Variants in SLC22A3 observed in about 807,000 individuals in gnomAD.
SLC22A3 encodes EMT organic cation transporter 3.
In SLC22A3, 51 loss-of-function variants were observed where a neutral mutation model predicts 59.1. The ratio of observed to expected loss-of-function variants is 0.86; its 90% CI spans 0.69 to 1.09. The LOEUF (loss-of-function observed/expected upper bound fraction) is 1.09, where lower values mean the gene tolerates loss of function less well. Among genes scored for constraint, SLC22A3 ranks in the 50% least tolerant of loss-of-function variants. The pLI is 0.00. For synonymous variants in SLC22A3, 325 were observed against 292.0 expected (o/e 1.11, Z -1.15); for missense variants, 711 against 726.3 (o/e 0.98, Z 0.24).
chr6:160,408,724 T>G, intron 3 of SLC22A3, 29 bp from the exon 4 acceptor site: 1 of 1,611,836 alleles, frequency 6.2e-7, no homozygotes, highest in African/African-American at 1.3e-5. Context: ...CTTGTGCTTC[T>G]GTGACCTCTT....
intron 1 of SLC22A3, among the ~76,000 whole-genome samples, chr6:160,366,086 A>G (rs1359568903): frequency 3.3e-5 from 5 of 152,152 alleles, no homozygotes; most frequent in Non-Finnish European, 7.4e-5. Context: ...CAGCCAAACC[A>G]TATCATTCCA....
chr6:160,432,304 C>T lies in SLC22A3; in HGVS notation c.976-4476C>T, dbSNP rs145955098. 4.0e-4 allele frequency among the ~76,000 whole-genome samples: 61 copies of T among 151,944 alleles called. 1 individual carries two copies. The highest frequency in any genetic ancestry group is 3.4e-3 in the Middle Eastern group (1 of 294). On this transcript the variant is annotated intron_variant, in intron 5 of 10. Coordinates refer to ENST00000275300, the MANE Select transcript of SLC22A3 (RefSeq NM_021977.4). ...CCCACAAACATATGAATTGATGGTG[C>T]GGGAGAGTGTAGTGGGAATTCTGTT...
intron 1 of SLC22A3, among the ~76,000 whole-genome samples, chr6:160,366,629 A>C (rs1222086600): frequency 2.0e-5 from 3 of 152,164 alleles, no homozygotes; most frequent in African/African-American, 7.2e-5. Flanking sequence ...TCCCTTCCAC[A>C]CTGCCCTAGC....
chr6:160,417,598 C>T (rs1323138896), intron 5 of SLC22A3, among the ~76,000 whole-genome samples: 1 of 152,116 alleles, frequency 6.6e-6, no homozygotes, highest in Admixed American at 6.5e-5. Context: ...TCACATTTTC[C>T]CTCATTTCCA....
chr6:160,398,123 C>A, intron 2 of SLC22A3, 41 bp downstream of exon 2: 1 of 1,365,078 alleles, frequency 7.3e-7, no homozygotes, highest in Non-Finnish European at 1.0e-6. Flanking sequence ...CACTATAATA[C>A]CATGCATTAA....
At chr6:160,374,215 G>A (rs1785507356) in intron 1 of SLC22A3, among the ~76,000 whole-genome samples, 1 of 152,286 alleles carries the variant, frequency 6.6e-6, no homozygotes, top group African/African-American at 2.4e-5. Flanking sequence ...AGAATGCATG[G>A]TTCCTCACAG....
intron 4 of SLC22A3, 71 bp downstream of exon 4, chr6:160,408,992 A>G (rs2114856205): frequency 2.2e-6 from 3 of 1,348,184 alleles, no homozygotes; most frequent in East Asian, 2.3e-5. Context: ...AGACATGAAA[A>G]TGAAAGCAAT....
chr6:160,442,850 T>C lies in SLC22A3; in HGVS notation c.1378T>C (p.Leu460=), dbSNP rs370786751. The change falls in exon 8 of 11, where the codon TTG becomes CTG. Residue 460 remains leucine, a synonymous_variant. Coordinates refer to ENST00000275300, the MANE Select transcript of SLC22A3 (RefSeq NM_021977.4). The part of the protein sequence containing the change: ...FEIVYLVNSE[L]YPTTLRNFGV... ...AATTGTTTATTTGGTAAATTCAGAA[T>C]TGTACCCAACAACATTACGGTAATT... 6.2e-6 allele frequency: 10 copies of C among 1,612,890 alleles called. No individual in the cohort carries two copies. The highest frequency in any genetic ancestry group is 8.5e-6 in the Non-Finnish European group (10 of 1,178,876).
At chr6:160,352,276 G>A (rs747466728) in intron 1 of SLC22A3, among the ~76,000 whole-genome samples, 9 of 152,220 alleles carry the variant, frequency 5.9e-5, no homozygotes, top group Middle Eastern at 3.2e-3. Context: ...CCTAATTTGT[G>A]TCTCCTGCTC....
At chr6:160,374,450 C>G (rs1200058680) in intron 1 of SLC22A3, among the ~76,000 whole-genome samples, 1 of 151,970 alleles carries the variant, frequency 6.6e-6, no homozygotes, top group African/African-American at 2.4e-5. Flanking sequence ...TGTTCCTATT[C>G]AGCCATCTTG....
intron 1 of SLC22A3, among the ~76,000 whole-genome samples, chr6:160,358,182 A>G (rs1784903888): frequency 6.6e-6 from 1 of 152,238 alleles, no homozygotes; most frequent in Non-Finnish European, 1.5e-5. Context: ...GGTGGCTAAG[A>G]ACGTAGACTT....
chr6:160,382,411 C>G (rs1319604018), intron 1 of SLC22A3, among the ~76,000 whole-genome samples: 1 of 152,186 alleles, frequency 6.6e-6, no homozygotes, highest in Non-Finnish European at 1.5e-5. Context: ...AGTAGGCCAG[C>G]CTGAAACAAA....
chr6:160,450,666 A>C (rs897105403), intron 10 of SLC22A3, among the ~76,000 whole-genome samples: 3 of 152,142 alleles, frequency 2.0e-5, no homozygotes, highest in African/African-American at 7.2e-5. Flanking sequence ...ATGTTCAGAG[A>C]TTGAAGTAAA....
At chr6:160,420,403 C>G (rs771860713) in intron 5 of SLC22A3, among the ~76,000 whole-genome samples, 1 of 152,172 alleles carries the variant, frequency 6.6e-6, no homozygotes, top group Non-Finnish European at 1.5e-5. Flanking sequence ...TTGGGCCATG[C>G]CTTTATCAAA....
chr6:160,381,598 A>G (rs1785798565), intron 1 of SLC22A3, among the ~76,000 whole-genome samples: 1 of 152,240 alleles, frequency 6.6e-6, no homozygotes, highest in South Asian at 2.1e-4. Context: ...CACACACTTA[A>G]TTAGGCCTAA....
intron 5 of SLC22A3, among the ~76,000 whole-genome samples, chr6:160,424,367 T>C (rs1175887578): frequency 6.6e-6 from 1 of 152,244 alleles, no homozygotes; most frequent in Non-Finnish European, 1.5e-5. Context: ...TGTGTCATTA[T>C]GTGGTCTCAA....
At chr6:160,398,812 A>G (rs547118875) in intron 2 of SLC22A3, among the ~76,000 whole-genome samples, 2 of 152,350 alleles carry the variant, frequency 1.3e-5, no homozygotes, top group South Asian at 2.1e-4. Flanking sequence ...TAATAGGAAT[A>G]TAGACTGGAA....
At chr6:160,367,916 T>TA (rs1048256124) in intron 1 of SLC22A3, among the ~76,000 whole-genome samples, 43 of 152,266 alleles carry the variant, frequency 2.8e-4, no homozygotes, top group African/African-American at 1.0e-3. Flanking sequence ...CCATCCAGCC[T>TA]AGGTCTCTGG....
At chr6:160,397,876 A>T (rs1034709374) in intron 1 of SLC22A3, 103 bp from the exon 2 acceptor site, 9 of 887,672 alleles carry the variant, frequency 1.0e-5, no homozygotes, top group Non-Finnish European at 1.7e-5. Flanking sequence ...TAAAGAGTAT[A>T]TGAGCAAAAA....
Sources: gnomAD v4.1 joint callset for allele counts (sites outside exome capture counted in the v4.1 genomes callset) on GRCh38, gnomAD v4.1.1 for gene constraint, MANE v1.5 for transcripts, NCBI Gene and HGNC (gene_info 2026-07-23, HGNC 2026-07-21) for gene names.